The following MMP17 variants were observed in gnomAD, a reference collection of about 807,000 sequenced individuals.
MMP17 encodes the protein matrix metalloproteinase-17.
In MMP17, 54 loss-of-function variants were observed where a neutral mutation model predicts 49.1. The observed-to-expected ratio is 1.10, with a 90% CI of 0.88 to 1.38. The LOEUF is 1.38. Among genes scored for constraint, MMP17 ranks in the 40% most tolerant of loss-of-function variants. MMP17 has a pLI of 0.00. For synonymous variants in MMP17, 397 were observed against 383.1 expected, an observed-to-expected ratio of 1.04 and a Z score of -0.42; for missense variants, 837 against 853.7, an observed-to-expected ratio of 0.98 and a Z score of 0.24.
intron 6 of MMP17, 179 bp from the exon 7 acceptor site, chr12:131,844,939 T>TCATTAA: frequency 5.6e-6 from 3 of 534,496 alleles, no homozygotes; most frequent in Non-Finnish European, 9.9e-6. Context: ...CCCCGCCCGC[T>TCATTAA]GAAGCGGTGG....
At chr12:131,844,684 G>A (rs896424885) in intron 6 of MMP17, 5 of 236,444 alleles carry the variant, frequency 2.1e-5, no homozygotes, top group Non-Finnish European at 2.5e-5. Context: ...GCTCTGTGTC[G>A]AGTCGTCTCT....
At chr12:131,831,600 G>A (rs537270771) in intron 1 of MMP17, among the ~76,000 whole-genome samples, 89 of 151,674 alleles carry the variant, frequency 5.9e-4, no homozygotes, top group African/African-American at 2.1e-3. Context: ...GCCTGATTTC[G>A]CCATGAGAGA....
intron 5 of MMP17, among the ~76,000 whole-genome samples, chr12:131,842,398 G>A (rs543051769): frequency 7.9e-5 from 12 of 152,268 alleles, no homozygotes; most frequent in South Asian, 2.1e-4. Context: ...GGACCCTCCC[G>A]GCCTCAGCAT....
chr12:131,850,398 G>A lies in MMP17; in HGVS notation c.1462+339G>A, dbSNP rs546696341. ...ATGTCCACACAGCCCCTCCCTCGCC[G>A]GCCCCAGCCCTGCCAAACGCCCTCC... On this transcript the variant is annotated intron_variant, in intron 9 of 9. Transcript: ENST00000360564. Among the ~76,000 whole-genome samples the A allele has an allele frequency of 1.2e-4, 19 of 152,228 alleles. No homozygotes were observed. The East Asian group carries it at 2.5e-3, about 20-fold the overall frequency.
chr12:131,850,452 T>A (rs1276572249), intron 9 of MMP17, among the ~76,000 whole-genome samples: 1 of 152,168 alleles, frequency 6.6e-6, no homozygotes, highest in African/African-American at 2.4e-5. Context: ...CGTCCCACAG[T>A]GTAGAAGAAA....
rs773334683 is a variant in MMP17, at chr12:131,838,735, C to T, written c.416C>T (p.Ser139Leu). The change falls in exon 3 of 10, where the codon TCG becomes TTG. Residue 139 changes from serine (S) to leucine (L), a missense_variant. By Grantham distance (145) the Ser-to-Leu change is moderately radical. Coordinates refer to ENST00000360564, the MANE Select transcript of MMP17 (RefSeq NM_016155.7). Reference sequence around the variant, plus strand: ...ACCAAGTGGAACAAGAGGAACCTGTCGTGGAGGTGGGTGTGTGGCCAGGGT... The same window carrying T: ...ACCAAGTGGAACAAGAGGAACCTGTTGTGGAGGTGGGTGTGTGGCCAGGGT... ...APTKWNKRNL[S>L]WRVRTFPRDS... The T allele has an allele frequency of 5.7e-6, 9 of 1,573,218 alleles. No homozygotes were observed. Among genetic ancestry groups the T allele is most frequent in the South Asian group, 3.5e-5 (3 of 86,186 alleles).
At position 131,837,749 on chromosome 12, in the gene MMP17, C is replaced by T. The variant is rs374857319; in HGVS notation, c.160-446C>T. Reference sequence around the variant, plus strand: ...TTTTTTAGATGGAGTCTTGCTCTGTCGCCCAGGCTGGAGTGCAGTGGCACG... The same window carrying T: ...TTTTTTAGATGGAGTCTTGCTCTGTTGCCCAGGCTGGAGTGCAGTGGCACG... On this transcript the variant is annotated intron_variant, in intron 1 of 9. Coordinates refer to ENST00000360564, the MANE Select transcript of MMP17 (RefSeq NM_016155.7). 4.4e-4 allele frequency among the ~76,000 whole-genome samples: 67 copies of T among 152,296 alleles called. No individual in the cohort carries two copies. The South Asian group carries it at 6.0e-3, about 14-fold the overall frequency.
intron 8 of MMP17, among the ~76,000 whole-genome samples, chr12:131,845,912 C>T (rs578167529): frequency 6.6e-6 from 1 of 152,288 alleles, no homozygotes; most frequent in South Asian, 2.1e-4. Flanking sequence ...TACCAGGGGC[C>T]TGGAGGAGGC....
rs538493631 is a variant in MMP17 at position 131,836,211 on chromosome 12, G to A, written c.160-1984G>A. On this transcript the variant is annotated intron_variant, in intron 1 of 9. Transcript: ENST00000360564. Reference sequence around the variant, plus strand: ...GGGTAAAGGCACAGAGGGGGGCCCCGGGAAGGACTCAGTGCTTCCTGGAAG... The same window carrying A: ...GGGTAAAGGCACAGAGGGGGGCCCCAGGAAGGACTCAGTGCTTCCTGGAAG... Among the ~76,000 whole-genome samples, 5 of 152,154 alleles carry A rather than the reference G, an allele frequency of 3.3e-5. No homozygotes were observed. The South Asian group carries it at 8.3e-4, about 25-fold the overall frequency.
chr12:131,851,309 T>C lies in MMP17; in HGVS notation c.*35T>C. The C allele has an allele frequency of 7.4e-7, 1 of 1,354,544 alleles. No individual in the cohort carries two copies. Among genetic ancestry groups the C allele is most frequent in the South Asian group, 1.8e-5 (1 of 55,646 alleles). 83.9% of individuals were successfully genotyped at this position (1,354,544 alleles called of 1,614,324 possible). ...CGAGCCCATGAGAGGACAGAGGCGG[T>C]GGGACAGCCTGGCCACAGAGGGCAA... On this transcript the variant is annotated 3_prime_UTR_variant, in exon 10 of 10. Coordinates refer to ENST00000360564, the MANE Select transcript of MMP17 (RefSeq NM_016155.7).
Position 131,851,206 on chromosome 12 carries a change from A to ATGCTGC in MMP17, c.1754_1759dup (p.Leu585_Leu586dup), listed in dbSNP as rs754787349. On this transcript the variant is annotated inframe_insertion, in exon 10 of 10. Transcript: ENST00000360564. ...CCCAGGCCCACTGGTGGCTGCCACC[A>ATGCTGC]TGCTGCTGCTGCTGCCGCCACTGTC... 6.9e-7 allele frequency: 1 copy of ATGCTGC among 1,455,540 alleles called. No individual in the cohort carries two copies. The highest frequency in any genetic ancestry group is 9.1e-7 in the Non-Finnish European group (1 of 1,101,718). The allele number at this position is 1,455,540 out of a possible 1,614,324, so 90.2% of individuals were successfully genotyped here.
At chr12:131,829,258 C>CCCT (rs1886672622) in intron 1 of MMP17, among the ~76,000 whole-genome samples, 1 of 152,184 alleles carries the variant, frequency 6.6e-6, no homozygotes, top group Non-Finnish European at 1.5e-5. Flanking sequence ...CCCTGCCTTG[C>CCCT]CCTGGTACAG....
At chr12:131,834,051 G>A (rs1361541781) in intron 1 of MMP17, among the ~76,000 whole-genome samples, 1 of 152,270 alleles carries the variant, frequency 6.6e-6, no homozygotes, top group African/African-American at 2.4e-5. Flanking sequence ...CTGGGCAGCT[G>A]CCTGCATCTG....
At chr12:131,849,364 A>G (rs1006728284) in intron 8 of MMP17, among the ~76,000 whole-genome samples, 7 of 152,058 alleles carry the variant, frequency 4.6e-5, no homozygotes, top group Non-Finnish European at 4.4e-5. Context: ...GGCGCCTGTA[A>G]TCCCAGCTAC....
chr12:131,837,710 T>C (rs890078696), intron 1 of MMP17, among the ~76,000 whole-genome samples: 5 of 152,188 alleles, frequency 3.3e-5, no homozygotes, highest in African/African-American at 1.2e-4. Context: ...ACATCAGATT[T>C]ATTTATTTAT....
At chr12:131,839,854 A>C (rs1458113658) in intron 3 of MMP17, among the ~76,000 whole-genome samples, 2 of 130,840 alleles carry the variant, frequency 1.5e-5, no homozygotes, top group African/African-American at 5.8e-5. Context: ...AGGCTGAGGC[A>C]GGAGAATCAC....
At chr12:131,830,289 C>T (rs1248389342) in intron 1 of MMP17, among the ~76,000 whole-genome samples, 6 of 152,258 alleles carry the variant, frequency 3.9e-5, no homozygotes, top group African/African-American at 1.4e-4. Flanking sequence ...TCTCTCCTGG[C>T]ACCCCGGGGG....
intron 1 of MMP17, among the ~76,000 whole-genome samples, chr12:131,833,893 C>T (rs1886946377): frequency 6.6e-6 from 1 of 152,246 alleles, no homozygotes; most frequent in South Asian, 2.1e-4. Context: ...ACGGGGCCTG[C>T]ACTCCATAAA....
At chr12:131,838,009 C>T in intron 1 of MMP17, 186 bp from the exon 2 acceptor site, 1 of 666,336 alleles carries the variant, frequency 1.5e-6, no homozygotes, top group Non-Finnish European at 2.4e-6. Flanking sequence ...AGCACCCGGC[C>T]AGGGACATCA....
Sources: gnomAD v4.1 joint callset for allele counts (sites outside exome capture counted in the v4.1 genomes callset) on GRCh38, gnomAD v4.1.1 for gene constraint, MANE v1.5 for transcripts, NCBI Gene and HGNC (gene_info 2026-07-23, HGNC 2026-07-21) for gene names.